The following FUT9 variants were observed in gnomAD, a reference collection of about 807,000 sequenced individuals.
FUT9 encodes the protein fucosyltransferase 9.
Under a neutral mutation model 29.7 loss-of-function variants are expected in FUT9, and 15 were observed. That is an observed-to-expected ratio of 0.51 (90% confidence interval 0.34 to 0.78). The LOEUF is 0.78. FUT9 is among the 30% of genes least tolerant of loss of function. FUT9 has a pLI of 0.01. For missense variants in FUT9, 319 were observed against 425.4 expected (o/e 0.75, Z 2.20); for synonymous variants, 169 against 153.7 (o/e 1.10, Z -0.74).
At chr6:96,125,789 A>G (rs1450556858) in intron 2 of FUT9, among the ~76,000 whole-genome samples, 1 of 152,124 alleles carries the variant, frequency 6.6e-6, no homozygotes, top group Admixed American at 6.5e-5. Context: ...TACCCAGCTC[A>G]TTTTCAAAGG....
intron 1 of FUT9, among the ~76,000 whole-genome samples, chr6:96,043,203 C>T (rs563566160): frequency 6.6e-5 from 10 of 152,252 alleles, no homozygotes; most frequent in South Asian, 4.1e-4. Context: ...AGGCGCCCAC[C>T]ACCACGCCCG....
At chr6:96,151,855 G>C (rs1294482015) in intron 2 of FUT9, among the ~76,000 whole-genome samples, 1 of 152,126 alleles carries the variant, frequency 6.6e-6, no homozygotes. Context: ...TTAATCACCA[G>C]AGCCTGCTTC....
At chr6:96,148,651 A>G (rs767400114) in intron 2 of FUT9, among the ~76,000 whole-genome samples, 2 of 152,218 alleles carry the variant, frequency 1.3e-5, no homozygotes, top group Non-Finnish European at 1.5e-5. Context: ...CCTGAGGTTT[A>G]TATTACTCCA....
At chr6:96,170,971 C>A (rs1582282909) in intron 2 of FUT9, among the ~76,000 whole-genome samples, 1 of 152,214 alleles carries the variant, frequency 6.6e-6, no homozygotes, top group South Asian at 2.1e-4. Flanking sequence ...CCCTTTCTTT[C>A]CCTACATTCT....
At chr6:96,119,222 T>C (rs2127964029) in intron 2 of FUT9, among the ~76,000 whole-genome samples, 1 of 152,324 alleles carries the variant, frequency 6.6e-6, no homozygotes, top group East Asian at 1.9e-4. Context: ...GCAAGCTCCA[T>C]TCATGGTAAG....
At chr6:96,182,533 C>A (rs1003961615) in intron 2 of FUT9, among the ~76,000 whole-genome samples, 2 of 152,128 alleles carry the variant, frequency 1.3e-5, no homozygotes, top group East Asian at 3.9e-4. Flanking sequence ...ATGTTATCTT[C>A]TTGAATTTTT....
intron 1 of FUT9, among the ~76,000 whole-genome samples, chr6:96,024,048 G>A (rs546966824): frequency 3.9e-5 from 6 of 151,944 alleles, no homozygotes; most frequent in African/African-American, 1.2e-4. Context: ...AAATACAACA[G>A]TACATGGAAT....
At chr6:96,111,440 A>G (rs982133928) in intron 1 of FUT9, among the ~76,000 whole-genome samples, 1 of 152,132 alleles carries the variant, frequency 6.6e-6, no homozygotes, top group Non-Finnish European at 1.5e-5. Flanking sequence ...CTAAGTTCAA[A>G]TAAATCATTA....
chr6:96,200,097 T>C (rs1773701070), intron 2 of FUT9, among the ~76,000 whole-genome samples: 1 of 152,104 alleles, frequency 6.6e-6, no homozygotes, highest in Non-Finnish European at 1.5e-5. Flanking sequence ...ACTTAATCAT[T>C]TTGGGCCTCA....
At position 96,212,138 on chromosome 6, in the gene FUT9, C is replaced by G; in HGVS notation, c.*7903C>G. 3 of 412,504 alleles carry G rather than the reference C, an allele frequency of 7.3e-6. No homozygotes were observed. The highest frequency in any genetic ancestry group is 1.3e-5 in the Non-Finnish European group (3 of 225,596). The allele number at this position is 412,504 out of a possible 1,614,324, so 25.6% of individuals were successfully genotyped here. On this transcript the variant is annotated 3_prime_UTR_variant, in exon 3 of 3. Transcript: ENST00000302103. The stretch of plus-strand genomic sequence containing the variant: ...AGTATCCAAAGGCTAAATTAACAAC[C>G]CAGGACTACCACTCATTATGTGAGA...
intron 1 of FUT9, among the ~76,000 whole-genome samples, chr6:96,022,439 G>A (rs1461491326): frequency 6.6e-6 from 1 of 152,000 alleles, no homozygotes; most frequent in Non-Finnish European, 1.5e-5. Context: ...GACATCTGGA[G>A]GTGTTGACAG....
At chr6:96,041,093 C>T (rs1770451685) in intron 1 of FUT9, among the ~76,000 whole-genome samples, 2 of 151,520 alleles carry the variant, frequency 1.3e-5, no homozygotes, top group African/African-American at 4.9e-5. Flanking sequence ...TATGCCTTTC[C>T]CCAGTTTTTC....
At position 96,074,141 on chromosome 6, in the gene FUT9, T is replaced by C. The variant is rs1480841723; in HGVS notation, c.-97-39898T>C. On this transcript the variant is annotated intron_variant, in intron 1 of 2. Coordinates refer to ENST00000302103, the MANE Select transcript of FUT9 (RefSeq NM_006581.4). Reference sequence around the variant, plus strand: ...CCGAATATTAGCAGTAGTTGGTTTTTAACATAAAATTTGTACTGCACCAAA... The same window carrying C: ...CCGAATATTAGCAGTAGTTGGTTTTCAACATAAAATTTGTACTGCACCAAA... Among the ~76,000 whole-genome samples, 4 of 152,302 alleles carry C rather than the reference T, an allele frequency of 2.6e-5. No individual in the cohort carries two copies. The East Asian group carries it at 7.7e-4, about 29-fold the overall frequency.
intron 1 of FUT9, among the ~76,000 whole-genome samples, chr6:96,022,946 T>A (rs913882954): frequency 1.3e-5 from 2 of 151,812 alleles, no homozygotes; most frequent in Non-Finnish European, 2.9e-5. Flanking sequence ...TGCTTACGTT[T>A]TCCTGGGGCT....
intron 1 of FUT9, among the ~76,000 whole-genome samples, chr6:96,049,890 C>T (rs1770634250): frequency 6.6e-6 from 1 of 152,128 alleles, no homozygotes; most frequent in South Asian, 2.1e-4. Flanking sequence ...ATGTGTCAGG[C>T]AGCGTAAAAT....
intron 2 of FUT9, among the ~76,000 whole-genome samples, chr6:96,128,409 G>A (rs1772171711): frequency 6.6e-6 from 1 of 152,054 alleles, no homozygotes; most frequent in Admixed American, 6.5e-5. Flanking sequence ...TTAATTACCT[G>A]ACAAATGCAA....
Position 96,204,067 on chromosome 6 carries a change from A to G in FUT9, c.912A>G (p.Glu304=). 1.9e-6 allele frequency: 3 copies of G among 1,538,494 alleles called. No individual in the cohort carries two copies. Among genetic ancestry groups the G allele is most frequent in the Admixed American group, 4.1e-5 (2 of 48,974 alleles). Residue 304 remains glutamate (E), a synonymous_variant, in exon 3 of 3, where the codon GAA becomes GAG. Coordinates refer to ENST00000302103, the MANE Select transcript of FUT9 (RefSeq NM_006581.4). ...GTGAGCTAGCAAAGTATCTGAAGGA[A>G]GTCGACAAAAACAATAAGTTATACC... ...SPSELAKYLK[E]VDKNNKLYLS...
At chr6:96,091,335 A>C (rs1771408186) in intron 1 of FUT9, among the ~76,000 whole-genome samples, 1 of 152,086 alleles carries the variant, frequency 6.6e-6, no homozygotes, top group African/African-American at 2.4e-5. Flanking sequence ...CTAAAAATTC[A>C]ATTTTTCAGA....
At chr6:96,062,841 A>C (rs1246452202) in intron 1 of FUT9, among the ~76,000 whole-genome samples, 1 of 152,188 alleles carries the variant, frequency 6.6e-6, no homozygotes, top group African/African-American at 2.4e-5. Flanking sequence ...CAAAACAACA[A>C]CAAAACAACA....
Sources: gnomAD v4.1 joint callset for allele counts (sites outside exome capture counted in the v4.1 genomes callset) on GRCh38, gnomAD v4.1.1 for gene constraint, MANE v1.5 for transcripts, NCBI Gene and HGNC (gene_info 2026-07-23, HGNC 2026-07-21) for gene names.